Variants in ROBO1 observed in about 807,000 individuals in gnomAD.
ROBO1 encodes roundabout guidance receptor 1, also known as roundabout homolog 1.
Under a neutral mutation model 195.9 loss-of-function variants are expected in ROBO1, and 149 were observed. The ratio of observed to expected loss-of-function variants is 0.76; its 90% CI spans 0.67 to 0.87. ROBO1 has a LOEUF of 0.87. Among genes scored for constraint, ROBO1 ranks in the 40% least tolerant of loss-of-function variants. The pLI is 0.00. For synonymous variants in ROBO1, 816 were observed against 733.2 expected, an observed-to-expected ratio of 1.11 and a Z score of -1.82; for missense variants, 1,933 against 2,068.3, an observed-to-expected ratio of 0.93 and a Z score of 1.27.
At chr3:79,211,231 A>C (rs2081961413) in intron 2 of ROBO1, among the ~76,000 whole-genome samples, 1 of 152,198 alleles carries the variant, frequency 6.6e-6, no homozygotes, top group Middle Eastern at 3.4e-3. Flanking sequence ...TGGTACTGAA[A>C]TCCATATCAT....
At chr3:78,721,080 T>A (rs970691364) in intron 5 of ROBO1, among the ~76,000 whole-genome samples, 1 of 151,946 alleles carries the variant, frequency 6.6e-6, no homozygotes, top group Non-Finnish European at 1.5e-5. Flanking sequence ...ACATGCACCC[T>A]AAAACTTAAA....
In ROBO1 at chr3:78,617,794, C is replaced by T. The variant is rs763581374; in HGVS notation, c.4123G>A (p.Gly1375Ser). 1.2e-6 allele frequency: 2 copies of T among 1,613,892 alleles called. No individual in the cohort carries two copies. Among genetic ancestry groups the T allele is most frequent in the South Asian group, 2.2e-5 (2 of 91,082 alleles). Residue 1375 changes from glycine (G) to serine (S), a missense_variant, in exon 27 of 31, where the codon GGC becomes AGC. Transcript: ENST00000464233. ...ATGTTGTCCTCCTCTGAGGCTGAGC[C>T]CCAGCCGTTGATCATGGACCCCGTG... Reference protein sequence around the residue: ...SVTGSMINGWGSASEEDNISS... With the variant: ...SVTGSMINGWSSASEEDNISS...
intron 1 of ROBO1, among the ~76,000 whole-genome samples, chr3:79,653,133 A>C (rs1946061319): frequency 6.6e-6 from 1 of 151,834 alleles, no homozygotes; most frequent in African/African-American, 2.4e-5. Flanking sequence ...CAAATAACTT[A>C]CTGGAGGATT....
intron 3 of ROBO1, among the ~76,000 whole-genome samples, chr3:79,053,356 C>A (rs1044672049): frequency 4.0e-5 from 6 of 151,896 alleles, no homozygotes; most frequent in Non-Finnish European, 7.4e-5. Flanking sequence ...TTATGGTCAC[C>A]CCCCAATGAC....
chr3:79,542,892 A>C (rs1413784806), intron 2 of ROBO1, among the ~76,000 whole-genome samples: 1 of 152,116 alleles, frequency 6.6e-6, no homozygotes, highest in Non-Finnish European at 1.5e-5. Context: ...TCCCTTTAAT[A>C]TAGCAATTCA....
At position 78,925,666 on chromosome 3, in the gene ROBO1, T is replaced by C. The variant is rs186458217; in HGVS notation, c.499+12935A>G. On this transcript the variant is annotated intron_variant, in intron 4 of 30. Coordinates refer to ENST00000464233, the MANE Select transcript of ROBO1 (RefSeq NM_002941.4). ...TACTTTTGTGACCTGTGCCAGGTAC[T>C]ACAAGGTATACACAGCGGTGAGAAG... Among the ~76,000 whole-genome samples the C allele has an allele frequency of 4.0e-4, 61 of 152,316 alleles. 1 individual carries two copies. The East Asian group carries it at 0.012, about 29-fold the overall frequency.
chr3:78,707,152 T>C (rs777876336), intron 8 of ROBO1, among the ~76,000 whole-genome samples: 8 of 152,206 alleles, frequency 5.3e-5, no homozygotes, highest in Non-Finnish European at 1.0e-4. Flanking sequence ...AATCATAAAC[T>C]GCGGTGTCCT....
intron 3 of ROBO1, among the ~76,000 whole-genome samples, chr3:78,960,252 G>T (rs2041267008): frequency 6.6e-6 from 1 of 151,648 alleles, no homozygotes; most frequent in African/African-American, 2.4e-5. Context: ...CCTTAAAAAT[G>T]AATATCTGCA....
chr3:78,912,875 A>G (rs2038329894), intron 4 of ROBO1, among the ~76,000 whole-genome samples: 1 of 152,142 alleles, frequency 6.6e-6, no homozygotes, highest in Admixed American at 6.6e-5. Context: ...AAAAATGTAG[A>G]ATTGTGTATG....
chr3:79,649,072 C>T (rs1179004244), intron 1 of ROBO1, among the ~76,000 whole-genome samples: 1 of 152,006 alleles, frequency 6.6e-6, no homozygotes, highest in Non-Finnish European at 1.5e-5. Context: ...ATTTTAAAAT[C>T]CTCAATGTCA....
chr3:79,141,519 C>T (rs1478887640), intron 2 of ROBO1, among the ~76,000 whole-genome samples: 2 of 151,526 alleles, frequency 1.3e-5, no homozygotes, highest in South Asian at 2.1e-4. Flanking sequence ...CATTCATTTC[C>T]ATTGATTTCC....
chr3:79,313,815 T>TA (rs992329180), intron 2 of ROBO1, among the ~76,000 whole-genome samples: 1 of 152,186 alleles, frequency 6.6e-6, no homozygotes, highest in African/African-American at 2.4e-5. Flanking sequence ...AGAATGATTT[T>TA]AAAAAGGCTT....
chr3:78,756,437 T>A (rs1339446290), intron 4 of ROBO1, among the ~76,000 whole-genome samples: 1 of 152,198 alleles, frequency 6.6e-6, no homozygotes, highest in African/African-American at 2.4e-5. Flanking sequence ...GTTCACAGCA[T>A]TTCACTTTCA....
chr3:79,570,464 G>A (rs1280150640), intron 2 of ROBO1, among the ~76,000 whole-genome samples: 1 of 152,100 alleles, frequency 6.6e-6, no homozygotes, highest in Non-Finnish European at 1.5e-5. Flanking sequence ...GGCAAATGTT[G>A]AAATGACTGA....
intron 3 of ROBO1, among the ~76,000 whole-genome samples, chr3:78,950,141 A>C (rs1025300283): frequency 8.6e-5 from 13 of 151,978 alleles, no homozygotes; most frequent in South Asian, 2.1e-4. Context: ...TACCATTTGA[A>C]CCAGCCATCC....
chr3:79,687,988 A>G (rs1220458552), intron 1 of ROBO1, among the ~76,000 whole-genome samples: 1 of 152,076 alleles, frequency 6.6e-6, no homozygotes, highest in African/African-American at 2.4e-5. Flanking sequence ...CAACAATGAT[A>G]GACTGGATTA....
At chr3:79,582,223 A>T (rs891490799) in intron 2 of ROBO1, among the ~76,000 whole-genome samples, 3 of 151,666 alleles carry the variant, frequency 2.0e-5, no homozygotes, top group Non-Finnish European at 4.4e-5. Flanking sequence ...ATATTCTGTT[A>T]TTCCTTTTTC....
chr3:78,891,351 T>TA (rs2036880743), intron 4 of ROBO1, among the ~76,000 whole-genome samples: 1 of 135,696 alleles, frequency 7.4e-6, no homozygotes, highest in Non-Finnish European at 1.7e-5. Flanking sequence ...ATACGCACAT[T>TA]TAAAAAAAAT....
At chr3:78,725,896 A>G (rs1187007419) in intron 5 of ROBO1, among the ~76,000 whole-genome samples, 1 of 151,508 alleles carries the variant, frequency 6.6e-6, no homozygotes, top group Non-Finnish European at 1.5e-5. Flanking sequence ...TTCTACCCTA[A>G]AGCAAGTCAG....
Sources: allele counts gnomAD v4.1 joint callset (sites outside exome capture counted in the v4.1 genomes callset), GRCh38; gene constraint gnomAD v4.1.1; transcripts MANE v1.5; gene names NCBI Gene and HGNC (gene_info 2026-07-23, HGNC 2026-07-21).